Variants in CLCN4 observed in about 807,000 individuals in gnomAD.
CLCN4 encodes the protein H(+)/Cl(-) exchange transporter 4.
CLCN4 carries 1 observed loss-of-function variant against 41.7 expected under a neutral mutation model. That is an observed-to-expected ratio of 0.02 (90% CI 0.01 to 0.11). The LOEUF (loss-of-function observed/expected upper bound fraction) is 0.11. CLCN4 is among the 10% of genes least tolerant of loss of function. CLCN4 has a pLI of 1.00. For missense variants in CLCN4, 287 were observed against 661.0 expected, an observed-to-expected ratio of 0.43 and a Z score of 6.20; for synonymous variants, 277 against 285.8, an observed-to-expected ratio of 0.97 and a Z score of 0.31.
chrX:10,158,691 T>TGCTGCCCACA (rs1227589045), intron 2 of CLCN4, 140 bp downstream of exon 2: 2 of 236,956 alleles, frequency 8.4e-6, no homozygotes, highest in Admixed American at 1.4e-4. Context: ...CTGCGGCGCC[T>TGCTGCCCACA]GCTGCCCACA....
intron 11 of CLCN4, among the ~76,000 whole-genome samples, chrX:10,218,180 A>AT (rs1924776709): frequency 8.9e-6 from 1 of 112,163 alleles, no homozygotes; most frequent in African/African-American, 3.2e-5. Flanking sequence ...AGTTTATTAC[A>AT]TTTTTTCAAA....
chrX:10,206,713 G>A lies in CLCN4; in HGVS notation c.780G>A (p.Ala260=), dbSNP rs146785042. ...TTTTGTAGGTGCTTTCAGCTGCAGC[G>A]GCTGCTGGAGTCTCTGTTGCCTTTG... ...GKRREVLSAA[A]AAGVSVAFGA... Residue 260 remains alanine, a synonymous_variant, in exon 8 of 13, where the codon GCG becomes GCA. Transcript: ENST00000380833. 9.1e-6 allele frequency: 11 copies of A among 1,205,997 alleles called. No homozygotes were observed. The highest frequency in any genetic ancestry group is 1.8e-5 in the African/African-American group (1 of 56,832).
At chrX:10,216,590 C>A (rs1465768230) in intron 11 of CLCN4, among the ~76,000 whole-genome samples, 1 of 110,392 alleles carries the variant, frequency 9.1e-6, no homozygotes, top group African/African-American at 3.3e-5. Context: ...AGGAAACTCT[C>A]AGGTTTTTTT....
chrX:10,188,968 C>T (rs1351906580), intron 4 of CLCN4, among the ~76,000 whole-genome samples: 1 of 111,929 alleles, frequency 8.9e-6, no homozygotes, highest in African/African-American at 3.3e-5. Flanking sequence ...GCTGTCTGTC[C>T]GTTTCTCCAA....
chrX:10,187,704 G>A (rs184715750), intron 4 of CLCN4, 90 bp downstream of exon 4: 2 of 711,307 alleles, frequency 2.8e-6, no homozygotes, highest in Non-Finnish European at 4.4e-6. Flanking sequence ...GGAATATAGC[G>A]CGTGTCGCTT....
intron 6 of CLCN4, among the ~76,000 whole-genome samples, chrX:10,199,247 C>T (rs1045472646): frequency 1.8e-5 from 2 of 112,016 alleles, no homozygotes; most frequent in Non-Finnish European, 3.8e-5. Flanking sequence ...CAACAGAAAC[C>T]ACAGGGCTTT....
At chrX:10,172,835 AT>A (rs1465951226) in intron 2 of CLCN4, among the ~76,000 whole-genome samples, 1 of 111,862 alleles carries the variant, frequency 8.9e-6, no homozygotes, top group Non-Finnish European at 1.9e-5. Context: ...ATGCCAGAAC[AT>A]TTTTTTCCCT....
chrX:10,228,530 C>G (rs1925045924), intron 12 of CLCN4, among the ~76,000 whole-genome samples: 1 of 111,287 alleles, frequency 9.0e-6, no homozygotes, highest in Non-Finnish European at 1.9e-5. Context: ...CCTTAAGTAT[C>G]CAGATTCCTG....
intron 11 of CLCN4, among the ~76,000 whole-genome samples, chrX:10,215,454 G>A (rs970609163): frequency 8.9e-6 from 1 of 111,868 alleles, no homozygotes; most frequent in Non-Finnish European, 1.9e-5. Context: ...GTGCTTAAGT[G>A]TTCGGCGATG....
chrX:10,159,007 A>T (rs971260918), intron 2 of CLCN4, among the ~76,000 whole-genome samples: 2 of 112,967 alleles, frequency 1.8e-5, no homozygotes, highest in East Asian at 5.5e-4. Flanking sequence ...CATTTCTTTC[A>T]AAGCAAAAGC....
intron 3 of CLCN4, among the ~76,000 whole-genome samples, chrX:10,187,101 AAGG>A (rs1000823930): frequency 8.9e-6 from 1 of 112,116 alleles, no homozygotes; most frequent in Non-Finnish European, 1.9e-5. Context: ...TTGAAAACAA[AAGG>A]AGGAGATGAA....
intron 8 of CLCN4, 28 bp from the exon 9 acceptor site, chrX:10,208,017 T>G: frequency 8.6e-7 from 1 of 1,164,960 alleles, no homozygotes; most frequent in East Asian, 3.0e-5. Context: ...CTCCGGCCAG[T>G]CTTTAATTTT....
intron 2 of CLCN4, among the ~76,000 whole-genome samples, chrX:10,182,047 T>C (rs1923698995): frequency 9.0e-6 from 1 of 111,631 alleles, no homozygotes; most frequent in Non-Finnish European, 1.9e-5. Flanking sequence ...ACAGTTCCTT[T>C]GGAGGCAAAT....
intron 6 of CLCN4, among the ~76,000 whole-genome samples, chrX:10,198,622 C>T (rs1157099851): frequency 9.0e-6 from 1 of 111,669 alleles, no homozygotes; most frequent in African/African-American, 3.3e-5. Flanking sequence ...AACGTACCCC[C>T]GTGAATTTCG....
intron 12 of CLCN4, among the ~76,000 whole-genome samples, chrX:10,223,712 C>T (rs1258443252): frequency 8.9e-6 from 1 of 111,737 alleles, no homozygotes; most frequent in Non-Finnish European, 1.9e-5. Flanking sequence ...ATGCCGCAAT[C>T]TAGGAAGCCT....
intron 6 of CLCN4, among the ~76,000 whole-genome samples, chrX:10,204,369 T>C (rs1006254881): frequency 2.7e-5 from 3 of 112,133 alleles, no homozygotes; most frequent in African/African-American, 6.5e-5. Context: ...GATTCAAACA[T>C]CTTTACATCC....
intron 4 of CLCN4, among the ~76,000 whole-genome samples, chrX:10,189,745 T>C (rs1313130038): frequency 8.9e-6 from 1 of 112,034 alleles, no homozygotes; most frequent in Non-Finnish European, 1.9e-5. Flanking sequence ...ACTCCCCTCA[T>C]GGGTAGGCCC....
chrX:10,192,800 C>T (rs946858910), intron 4 of CLCN4, among the ~76,000 whole-genome samples: 1 of 112,113 alleles, frequency 8.9e-6, no homozygotes, highest in Non-Finnish European at 1.9e-5. Context: ...GACTTCAACA[C>T]GGTGATCTGA....
chrX:10,223,154 C>T (rs1054076176), intron 12 of CLCN4, among the ~76,000 whole-genome samples: 2 of 112,004 alleles, frequency 1.8e-5, no homozygotes, highest in Admixed American at 9.4e-5. Flanking sequence ...CTGGGGACCC[C>T]ACCTTGAGAA....
Sources: gnomAD v4.1 joint callset for allele counts (sites outside exome capture counted in the v4.1 genomes callset) on GRCh38, gnomAD v4.1.1 for gene constraint, MANE v1.5 for transcripts, NCBI Gene and HGNC (gene_info 2026-07-23, HGNC 2026-07-21) for gene names.